Variants in GSK3B observed in about 807,000 individuals in gnomAD.
The protein encoded by GSK3B is glycogen synthase kinase 3 beta.
In GSK3B, 15 loss-of-function variants were observed where a neutral mutation model predicts 56.4. The ratio of observed to expected loss-of-function variants is 0.27; its 90% CI spans 0.18 to 0.41. GSK3B has a LOEUF of 0.41. Among genes scored for constraint, GSK3B ranks in the 10% least tolerant of loss-of-function variants. The pLI is 1.00. For missense variants in GSK3B, 300 were observed against 513.4 expected (o/e 0.58, Z 4.02); for synonymous variants, 181 against 188.9 (o/e 0.96, Z 0.34).
At chr3:119,926,618 C>A (rs970314424) in intron 3 of GSK3B, among the ~76,000 whole-genome samples, 1 of 152,126 alleles carries the variant, frequency 6.6e-6, no homozygotes, top group Non-Finnish European at 1.5e-5. Context: ...CTATAAGGTA[C>A]TACACACCCA....
chr3:120,061,747 A>T (rs1440277399), intron 1 of GSK3B, among the ~76,000 whole-genome samples: 1 of 152,010 alleles, frequency 6.6e-6, no homozygotes, highest in East Asian at 1.9e-4. Context: ...TTATTTATTT[A>T]TTTTTACAGA....
At position 119,967,288 on chromosome 3, in the gene GSK3B, G is replaced by C. The variant is rs369654940; in HGVS notation, c.283-19937C>G. Among the ~76,000 whole-genome samples the C allele has an allele frequency of 5.3e-5, 8 of 152,240 alleles. No homozygotes were observed. In the Middle Eastern group the frequency reaches 0.01, roughly 194 times the overall value. ...AGACGGAGTTTCACTATGTTGGCCAGGCTGGTCTCAAACTCCTGATCTCAT... is the reference window on the plus strand; with the variant it reads ...AGACGGAGTTTCACTATGTTGGCCACGCTGGTCTCAAACTCCTGATCTCAT... On this transcript the variant is annotated intron_variant, in intron 2 of 10. Coordinates refer to ENST00000264235, the MANE Select transcript of GSK3B (RefSeq NM_001146156.2).
intron 7 of GSK3B, among the ~76,000 whole-genome samples, chr3:119,879,833 A>G (rs1449664074): frequency 6.6e-6 from 1 of 152,192 alleles, no homozygotes; most frequent in Admixed American, 6.6e-5. Context: ...GAGTATATAT[A>G]TCACATTTTC....
chr3:119,922,228 GGGAAGGAAGGAAGGAAGGAA>G (rs539984482), intron 4 of GSK3B, among the ~76,000 whole-genome samples: 13 of 61,490 alleles, frequency 2.1e-4, no homozygotes, highest in African/African-American at 2.7e-4. Context: ...GAAGGAAGGA[GGGAAGGAAGGAAGGAAGGAA>G]GGAAGGAAGG....
chr3:120,053,090 A>G (rs939892790), intron 1 of GSK3B, among the ~76,000 whole-genome samples: 25 of 152,218 alleles, frequency 1.6e-4, no homozygotes, highest in Admixed American at 9.2e-4. Flanking sequence ...TAATCTCAGC[A>G]CTTTGGGAGG....
intron 2 of GSK3B, among the ~76,000 whole-genome samples, chr3:119,959,039 T>G (rs545714548): frequency 4.6e-5 from 7 of 152,230 alleles, no homozygotes; most frequent in Non-Finnish European, 1.0e-4. Context: ...CAAAAATGAT[T>G]GGTTGACTCC....
intron 2 of GSK3B, among the ~76,000 whole-genome samples, chr3:119,969,510 T>C (rs2057346929): frequency 6.6e-6 from 1 of 152,164 alleles, no homozygotes; most frequent in Non-Finnish European, 1.5e-5. Flanking sequence ...CTAAAATTTA[T>C]ATGGAAAGGC....
At chr3:119,866,525 G>T in intron 8 of GSK3B, 1 of 942,244 alleles carries the variant, frequency 1.1e-6, no homozygotes, top group Non-Finnish European at 1.7e-6. Flanking sequence ...GCCTCTCAAA[G>T]AAGATTTCCC....
chr3:120,084,212 T>A (rs929155775), intron 1 of GSK3B, among the ~76,000 whole-genome samples: 6 of 152,178 alleles, frequency 3.9e-5, no homozygotes, highest in Admixed American at 3.9e-4. Flanking sequence ...ATACTGAGAA[T>A]AATTTGAATA....
At chr3:119,967,862 CT>C (rs2057333414) in intron 2 of GSK3B, among the ~76,000 whole-genome samples, 2 of 134,898 alleles carry the variant, frequency 1.5e-5, no homozygotes, top group Admixed American at 7.6e-5. Context: ...CTCTCTCTCT[CT>C]CTCCTTTCTT....
chr3:119,869,504 G>A (rs2056226647), intron 8 of GSK3B, among the ~76,000 whole-genome samples: 1 of 152,130 alleles, frequency 6.6e-6, no homozygotes, highest in South Asian at 2.1e-4. Context: ...ACCAGTTCAG[G>A]TAAAGAAGGT....
intron 1 of GSK3B, among the ~76,000 whole-genome samples, chr3:120,077,147 T>G (rs1168905249): frequency 1.3e-5 from 2 of 152,210 alleles, no homozygotes; most frequent in Admixed American, 1.3e-4. Flanking sequence ...AACTATCATA[T>G]GACCCAGTAA....
chr3:119,887,079 A>G (rs1434835661), intron 7 of GSK3B, among the ~76,000 whole-genome samples: 6 of 152,168 alleles, frequency 3.9e-5, no homozygotes, highest in African/African-American at 1.4e-4. Context: ...ATGAAGAAAC[A>G]GTCATCTAAC....
chr3:120,028,935 A>G (rs2057952571), intron 1 of GSK3B: 2 of 549,516 alleles, frequency 3.6e-6, no homozygotes, highest in East Asian at 7.3e-5. Flanking sequence ...GATCAGACAC[A>G]GGCACAAGTG....
At chr3:120,090,595 G>C (rs2058503467) in intron 1 of GSK3B, among the ~76,000 whole-genome samples, 1 of 152,040 alleles carries the variant, frequency 6.6e-6, no homozygotes, top group African/African-American at 2.4e-5. Context: ...ATGAAGTTCT[G>C]CCAGTTCTTC....
At chr3:119,838,790 T>C (rs1326208497) in intron 10 of GSK3B, among the ~76,000 whole-genome samples, 2 of 152,322 alleles carry the variant, frequency 1.3e-5, no homozygotes, top group Middle Eastern at 3.4e-3. Flanking sequence ...CCCCTCTCTG[T>C]ATATGATAGC....
chr3:119,972,198 A>G (rs918634807), intron 2 of GSK3B, among the ~76,000 whole-genome samples: 6 of 152,214 alleles, frequency 3.9e-5, no homozygotes, highest in African/African-American at 2.4e-5. Flanking sequence ...TCTAACAGAA[A>G]CTTTATGTAA....
At chr3:120,065,342 A>C (rs2058269860) in intron 1 of GSK3B, among the ~76,000 whole-genome samples, 1 of 152,134 alleles carries the variant, frequency 6.6e-6, no homozygotes, top group Admixed American at 6.5e-5. Context: ...CAAACCACCA[A>C]CAATGGTGGT....
intron 1 of GSK3B, among the ~76,000 whole-genome samples, chr3:120,012,484 C>A (rs1220617139): frequency 6.6e-6 from 1 of 152,184 alleles, no homozygotes; most frequent in Admixed American, 6.5e-5. Context: ...CAGCTTCAGG[C>A]CCTCTCTCCC....
Sources: allele counts gnomAD v4.1 joint callset (sites outside exome capture counted in the v4.1 genomes callset), GRCh38; gene constraint gnomAD v4.1.1; transcripts MANE v1.5; gene names NCBI Gene and HGNC (gene_info 2026-07-23, HGNC 2026-07-21).